Variants in DOCK2 observed in about 807,000 individuals in gnomAD.
The protein encoded by DOCK2 is dedicator of cytokinesis 2, also known as dedicator of cytokinesis protein 2.
In DOCK2, 87 loss-of-function variants were observed where a neutral mutation model predicts 248.9. The observed-to-expected ratio is 0.35, with a 90% confidence interval of 0.29 to 0.42. The LOEUF (loss-of-function observed/expected upper bound fraction) is 0.42, where lower values mean the gene tolerates loss of function less well. Among genes scored for constraint, DOCK2 ranks in the 10% least tolerant of loss-of-function variants. DOCK2 has a pLI of 1.00. For synonymous variants in DOCK2, 805 were observed against 821.6 expected (o/e 0.98, Z 0.35); for missense variants, 1,747 against 2,300.2 (o/e 0.76, Z 4.92).
intron 27 of DOCK2, among the ~76,000 whole-genome samples, chr5:169,867,879 A>G (rs993280630): frequency 6.6e-5 from 10 of 152,308 alleles, no homozygotes; most frequent in African/African-American, 2.4e-4. Context: ...CAACCCCTGC[A>G]TTGCAGCAAG....
intron 27 of DOCK2, among the ~76,000 whole-genome samples, chr5:169,948,160 C>A (rs1166933298): frequency 6.6e-6 from 1 of 152,138 alleles, no homozygotes; most frequent in Non-Finnish European, 1.5e-5. Context: ...CCAACCTCTT[C>A]TCTTCATTCA....
chr5:169,686,716 G>A (rs550854781), intron 8 of DOCK2, among the ~76,000 whole-genome samples: 7 of 152,350 alleles, frequency 4.6e-5, no homozygotes, highest in African/African-American at 1.7e-4. Flanking sequence ...CTTCAGTGTG[G>A]CCCAGATGTG....
chr5:169,998,363 G>C (rs1581515807), intron 30 of DOCK2, among the ~76,000 whole-genome samples: 1 of 152,230 alleles, frequency 6.6e-6, no homozygotes, highest in Non-Finnish European at 1.5e-5. Flanking sequence ...ACCAGCCTAT[G>C]AGTAGATGAG....
chr5:169,689,205 A>G, intron 8 of DOCK2, 47 bp from the exon 9 acceptor site: 2 of 1,585,822 alleles, frequency 1.3e-6, no homozygotes, highest in Non-Finnish European at 1.7e-6. Flanking sequence ...GACTAAATGG[A>G]TGTCAGGTCC....
chr5:169,913,786 A>G (rs1021569737), intron 27 of DOCK2, among the ~76,000 whole-genome samples: 3 of 152,150 alleles, frequency 2.0e-5, no homozygotes, highest in African/African-American at 4.8e-5. Flanking sequence ...TTTTTGATCA[A>G]TGAGGAATTA....
chr5:170,028,018 A>T lies in DOCK2; in HGVS notation c.3467+70A>T, dbSNP rs1755982537. 2.1e-6 allele frequency: 3 copies of T among 1,440,570 alleles called. No individual in the cohort carries two copies. The South Asian group carries it at 4.1e-5, about 20-fold the overall frequency. 89.2% of individuals were successfully genotyped at this position (1,440,570 alleles called of 1,614,324 possible). A position where few individuals can be genotyped will look rare whatever the true frequency, so the allele number is the denominator to read the frequency against. ...GTGAGGCGGGAGGGCTCAGAACTCC[A>T]GGGGGCTCCGAGTGGCTCTGTCCTC... On this transcript the variant is annotated intron_variant, in intron 34 of 51. Transcript: ENST00000520908.
intron 48 of DOCK2, among the ~76,000 whole-genome samples, 196 bp from the exon 49 acceptor site, chr5:170,078,779 T>C (rs2113877614): frequency 6.6e-6 from 1 of 152,336 alleles, no homozygotes; most frequent in African/African-American, 2.4e-5. Context: ...AAAGTGAACT[T>C]TACTCATCAC....
intron 27 of DOCK2, among the ~76,000 whole-genome samples, chr5:169,876,607 G>T (rs1396242938): frequency 6.6e-6 from 1 of 152,232 alleles, no homozygotes; most frequent in Non-Finnish European, 1.5e-5. Flanking sequence ...AGTCATCAAA[G>T]AAAGGTTCTC....
chr5:169,872,203 A>G (rs1772021598), intron 27 of DOCK2, among the ~76,000 whole-genome samples: 1 of 152,306 alleles, frequency 6.6e-6, no homozygotes, highest in East Asian at 1.9e-4. Flanking sequence ...CAGGTGCACC[A>G]CTGATTTACT....
intron 16 of DOCK2, 32 bp downstream of exon 16, chr5:169,712,039 C>G (rs759092936): frequency 6.2e-7 from 1 of 1,613,886 alleles, no homozygotes; most frequent in Non-Finnish European, 8.5e-7. Flanking sequence ...ATCTCTGCAC[C>G]TCCCCCTAAG....
intron 1 of DOCK2, among the ~76,000 whole-genome samples, chr5:169,652,150 G>A (rs970026609): frequency 1.3e-5 from 2 of 152,186 alleles, no homozygotes; most frequent in African/African-American, 4.8e-5. Flanking sequence ...GCTCAAGCAG[G>A]CTGCCCCTGG....
At chr5:170,006,810 C>A (rs1390525318) in intron 30 of DOCK2, among the ~76,000 whole-genome samples, 1 of 152,210 alleles carries the variant, frequency 6.6e-6, no homozygotes, top group African/African-American at 2.4e-5. Flanking sequence ...TTGTTAAATG[C>A]ATCCCCAGCT....
At chr5:169,652,766 G>A (rs536992662) in intron 1 of DOCK2, among the ~76,000 whole-genome samples, 1 of 152,284 alleles carries the variant, frequency 6.6e-6, no homozygotes, top group African/African-American at 2.4e-5. Flanking sequence ...AAGGGAAGGA[G>A]ATAAGTGGGA....
At chr5:169,736,070 A>G (rs1763024318) in intron 22 of DOCK2, among the ~76,000 whole-genome samples, 1 of 152,094 alleles carries the variant, frequency 6.6e-6, no homozygotes, top group African/African-American at 2.4e-5. Flanking sequence ...GAACAGCAAG[A>G]AGGGAATCTG....
At chr5:169,726,096 T>A (rs1333343345) in intron 22 of DOCK2, among the ~76,000 whole-genome samples, 2 of 152,202 alleles carry the variant, frequency 1.3e-5, no homozygotes, top group Non-Finnish European at 2.9e-5. Context: ...TCTTCCACAA[T>A]GATTGAACTA....
rs374823005 is a variant in DOCK2, at chr5:169,713,872, C to A, written c.1660-156C>A. On this transcript the variant is annotated intron_variant, in intron 17 of 51. Coordinates refer to ENST00000520908, the MANE Select transcript of DOCK2 (RefSeq NM_004946.3). ...CTTACCTGTATTGTGGAAAAACAGTCCTGCCTCACCAGCCAATGTCTATTG... is the reference window on the plus strand; with the variant it reads ...CTTACCTGTATTGTGGAAAAACAGTACTGCCTCACCAGCCAATGTCTATTG... Among the ~76,000 whole-genome samples the A allele has an allele frequency of 6.6e-5, 10 of 152,300 alleles. 1 individual carries two copies. The South Asian group carries it at 2.1e-3, about 32-fold the overall frequency.
chr5:169,718,257 G>A (rs889956538), intron 21 of DOCK2, among the ~76,000 whole-genome samples: 1 of 152,020 alleles, frequency 6.6e-6, no homozygotes, highest in African/African-American at 2.4e-5. Flanking sequence ...CTGCCCTATG[G>A]TAAAGAAGAA....
At position 169,760,594 on chromosome 5, in the gene DOCK2, G is replaced by A. The variant is rs1764431518; in HGVS notation, c.2447+819G>A. ...CATCCTTCAGACCCTCAGGCTAAAT[G>A]TTATCTTGGAAAAGCTACTGCTGGA... On this transcript the variant is annotated intron_variant, in intron 24 of 51. Coordinates refer to ENST00000520908, the MANE Select transcript of DOCK2 (RefSeq NM_004946.3). Among the ~76,000 whole-genome samples, 9 of 152,282 alleles carry A rather than the reference G, an allele frequency of 5.9e-5. No individual in the cohort carries two copies. The South Asian group carries it at 1.9e-3, about 32-fold the overall frequency.
At chr5:170,027,197 A>G (rs1755950573) in intron 33 of DOCK2, among the ~76,000 whole-genome samples, 2 of 152,106 alleles carry the variant, frequency 1.3e-5, no homozygotes, top group South Asian at 4.2e-4. Context: ...CCTCAGATTT[A>G]GGGTCTCACT....
Sources: allele counts gnomAD v4.1 joint callset (sites outside exome capture counted in the v4.1 genomes callset), GRCh38; gene constraint gnomAD v4.1.1; transcripts MANE v1.5; gene names NCBI Gene and HGNC (gene_info 2026-07-23, HGNC 2026-07-21).